CNTNAP2: variants seen among roughly 807,000 people sequenced by gnomAD.
CNTNAP2 encodes the protein contactin-associated protein-like 2.
A neutral mutation model predicts 155.2 loss-of-function variants in CNTNAP2; 98 were observed. The observed-to-expected ratio is 0.63, with a 90% CI of 0.54 to 0.75. The LOEUF is 0.75. Ranked by LOEUF, CNTNAP2 falls within the 30% of genes least tolerant of loss-of-function variation. The pLI is 0.00. For synonymous variants in CNTNAP2, 651 were observed against 631.2 expected (o/e 1.03, Z -0.47); for missense variants, 1,727 against 1,688.1 (o/e 1.02, Z -0.40).
At chr7:148,383,040 T>C (rs1328065734) in intron 21 of CNTNAP2, among the ~76,000 whole-genome samples, 1 of 152,186 alleles carries the variant, frequency 6.6e-6, no homozygotes, top group Admixed American at 6.5e-5. Flanking sequence ...AGGCATGTGT[T>C]GTTTGTGATT....
chr7:147,390,646 G>C (rs1266783086), intron 9 of CNTNAP2, among the ~76,000 whole-genome samples: 3 of 151,948 alleles, frequency 2.0e-5, no homozygotes, highest in African/African-American at 7.3e-5. Context: ...TTTTAGGCTG[G>C]CTTCCCTGGA....
intron 10 of CNTNAP2, among the ~76,000 whole-genome samples, chr7:147,406,725 T>G (rs1311431518): frequency 6.6e-6 from 1 of 152,206 alleles, no homozygotes; most frequent in African/African-American, 2.4e-5. Flanking sequence ...AAGAAAGGAA[T>G]GCAGATGGAA....
chr7:148,126,120 A>T (rs1175899516), intron 16 of CNTNAP2, among the ~76,000 whole-genome samples: 5 of 152,176 alleles, frequency 3.3e-5, no homozygotes, highest in Non-Finnish European at 5.9e-5. Flanking sequence ...TTCCTTGAAG[A>T]TGCTAACATT....
intron 8 of CNTNAP2, among the ~76,000 whole-genome samples, chr7:147,274,588 C>A (rs895629073): frequency 6.6e-6 from 1 of 151,950 alleles, no homozygotes; most frequent in African/African-American, 2.4e-5. Context: ...TTGTCAGATG[C>A]ATAATTTGCA....
intron 1 of CNTNAP2, among the ~76,000 whole-genome samples, chr7:146,439,210 T>C (rs1037046336): frequency 6.6e-6 from 1 of 151,490 alleles, no homozygotes; most frequent in Non-Finnish European, 1.5e-5. Context: ...GTTTAAGATA[T>C]TCATTTTTTA....
intron 15 of CNTNAP2, among the ~76,000 whole-genome samples, chr7:148,012,386 C>T (rs916958438): frequency 2.5e-4 from 38 of 152,158 alleles, no homozygotes; most frequent in African/African-American, 9.2e-4. Context: ...TAGAATGGTG[C>T]TGGCCAGGGC....
At chr7:147,438,186 T>G (rs1304809) in intron 10 of CNTNAP2, among the ~76,000 whole-genome samples, 11,585 of 152,170 alleles carry the variant, frequency 0.076, 677 homozygotes, top group East Asian at 0.32. Context: ...CTTCGTCATG[T>G]TACAGATCTC....
At chr7:148,245,990 T>G (rs1796255464) in intron 20 of CNTNAP2, among the ~76,000 whole-genome samples, 1 of 152,222 alleles carries the variant, frequency 6.6e-6, no homozygotes, top group Non-Finnish European at 1.5e-5. Flanking sequence ...CTTCAGTGTT[T>G]CCAGGGAACA....
intron 1 of CNTNAP2, among the ~76,000 whole-genome samples, chr7:146,754,540 CTCTCTCTCTCTCTG>C (rs906124190): frequency 2.2e-5 from 3 of 136,628 alleles, no homozygotes; most frequent in East Asian, 2.0e-4. Context: ...TAGAGTCTCT[CTCTCTCTCTCTCTG>C]TCTCTCTCTC....
At chr7:147,035,801 A>C (rs1032984823) in intron 3 of CNTNAP2, among the ~76,000 whole-genome samples, 2 of 152,204 alleles carry the variant, frequency 1.3e-5, no homozygotes, top group Non-Finnish European at 2.9e-5. Context: ...AGTTAGGAAT[A>C]AATATACTTA....
chr7:147,407,083 A>G (rs73473284), intron 10 of CNTNAP2, among the ~76,000 whole-genome samples: 3,834 of 152,286 alleles, frequency 0.025, 185 homozygotes, highest in African/African-American at 0.088. Context: ...GAAATTAGAC[A>G]TGACATAAAA....
chr7:146,197,091 G>T (rs962071079), intron 1 of CNTNAP2, among the ~76,000 whole-genome samples: 2 of 152,088 alleles, frequency 1.3e-5, no homozygotes, highest in Non-Finnish European at 2.9e-5. Context: ...GGAAAGATCT[G>T]CAATATTATA....
At chr7:146,775,517 A>G (rs1283864550) in intron 2 of CNTNAP2, among the ~76,000 whole-genome samples, 1 of 151,862 alleles carries the variant, frequency 6.6e-6, no homozygotes, top group Non-Finnish European at 1.5e-5. Context: ...TATAAATAAA[A>G]AAATGAAAGG....
chr7:147,298,229 G>C (rs960241404), intron 8 of CNTNAP2, among the ~76,000 whole-genome samples: 4 of 151,992 alleles, frequency 2.6e-5, no homozygotes, highest in Non-Finnish European at 5.9e-5. Flanking sequence ...AGGAGTTCAG[G>C]ACCAGCCTGA....
chr7:146,586,015 C>CAA (rs1372671984), intron 1 of CNTNAP2, among the ~76,000 whole-genome samples: 3 of 44,224 alleles, frequency 6.8e-5, no homozygotes, highest in Non-Finnish European at 1.4e-4. Context: ...AAAAAAACAA[C>CAA]AACAACAAAA....
chr7:147,170,141 G>A (rs987813532), intron 8 of CNTNAP2, among the ~76,000 whole-genome samples: 1 of 152,082 alleles, frequency 6.6e-6, no homozygotes, highest in African/African-American at 2.4e-5. Flanking sequence ...ATTTTCAGAA[G>A]GCCACACAAG....
chr7:147,242,040 C>T (rs1803948864), intron 8 of CNTNAP2, among the ~76,000 whole-genome samples: 3 of 152,146 alleles, frequency 2.0e-5, no homozygotes, highest in Admixed American at 1.3e-4. Flanking sequence ...GCCGACTGTC[C>T]TCTTGGATTT....
At chr7:146,866,483 A>G (rs922115973) in intron 3 of CNTNAP2, among the ~76,000 whole-genome samples, 1 of 152,136 alleles carries the variant, frequency 6.6e-6, no homozygotes, top group Non-Finnish European at 1.5e-5. Context: ...AAATAAGAAA[A>G]CAATTAGCAA....
At chr7:147,031,405 C>T (rs1799029123) in intron 3 of CNTNAP2, among the ~76,000 whole-genome samples, 1 of 152,102 alleles carries the variant, frequency 6.6e-6, no homozygotes, top group Admixed American at 6.6e-5. Flanking sequence ...GTAACAAATG[C>T]TCACAGCAAT....
Sources: gnomAD v4.1 joint callset for allele counts (sites outside exome capture counted in the v4.1 genomes callset) on GRCh38, gnomAD v4.1.1 for gene constraint, MANE v1.5 for transcripts, NCBI Gene and HGNC (gene_info 2026-07-23, HGNC 2026-07-21) for gene names.